ARHGAP15: variants seen among roughly 807,000 people sequenced by gnomAD.
ARHGAP15 encodes the protein rho GTPase-activating protein 15.
A neutral mutation model predicts 63.7 loss-of-function variants in ARHGAP15; 51 were observed. The observed-to-expected ratio is 0.80, with a 90% CI of 0.64 to 1.01. ARHGAP15 has a LOEUF of 1.01. ARHGAP15 is among the 50% of genes least tolerant of loss of function. The pLI is 0.00. For missense variants in ARHGAP15, 560 were observed against 564.6 expected, an observed-to-expected ratio of 0.99 and a Z score of 0.08; for synonymous variants, 191 against 193.8, an observed-to-expected ratio of 0.99 and a Z score of 0.12.
At chr2:143,209,455 G>A (rs1692482222) in intron 3 of ARHGAP15, among the ~76,000 whole-genome samples, 1 of 151,986 alleles carries the variant, frequency 6.6e-6, no homozygotes, top group Non-Finnish European at 1.5e-5. Flanking sequence ...ATGCTAACTG[G>A]CCATGTCCCT....
At chr2:143,371,464 C>T (rs928335242) in intron 6 of ARHGAP15, among the ~76,000 whole-genome samples, 1 of 152,136 alleles carries the variant, frequency 6.6e-6, no homozygotes, top group South Asian at 2.1e-4. Context: ...ATTTATCCAT[C>T]TATCTGTCTG....
chr2:143,417,293 T>C (rs991614006), intron 6 of ARHGAP15, among the ~76,000 whole-genome samples: 1 of 152,184 alleles, frequency 6.6e-6, no homozygotes, highest in Non-Finnish European at 1.5e-5. Context: ...CTGTGCATTA[T>C]GGAGATATAC....
rs138183890 is a variant in ARHGAP15, at chr2:143,447,664, G to C, written c.703+10622G>C. ...CTCCCTATCCCCATCACTCAGAACA[G>C]AGTCTGAAACCTAGTGGTGTTCAGA... is the stretch of plus-strand genomic sequence containing the variant. On this transcript the variant is annotated intron_variant, in intron 8 of 13. Coordinates refer to ENST00000295095, the MANE Select transcript of ARHGAP15 (RefSeq NM_018460.4). 9.2e-5 allele frequency among the ~76,000 whole-genome samples: 14 copies of C among 152,304 alleles called. No homozygotes were observed. The East Asian group carries it at 2.3e-3, about 25-fold the overall frequency.
chr2:143,254,716 CTT>C (rs1401547319), intron 6 of ARHGAP15, among the ~76,000 whole-genome samples: 1 of 152,058 alleles, frequency 6.6e-6, no homozygotes, highest in Non-Finnish European at 1.5e-5. Context: ...GCAAATTAGT[CTT>C]GTCTCCCCAA....
chr2:143,142,971 C>T (rs748014892), intron 1 of ARHGAP15, among the ~76,000 whole-genome samples: 1 of 152,078 alleles, frequency 6.6e-6, no homozygotes, highest in African/African-American at 2.4e-5. Flanking sequence ...AATATTTATG[C>T]ATTTTTTACT....
At chr2:143,419,131 C>T (rs1331955279) in intron 6 of ARHGAP15, among the ~76,000 whole-genome samples, 1 of 133,524 alleles carries the variant, frequency 7.5e-6, no homozygotes, top group African/African-American at 2.7e-5. Context: ...TGTGTAAGCA[C>T]ATTAGTAAGA....
At chr2:143,338,615 G>A (rs1684916903) in intron 6 of ARHGAP15, among the ~76,000 whole-genome samples, 1 of 152,128 alleles carries the variant, frequency 6.6e-6, no homozygotes, top group Non-Finnish European at 1.5e-5. Flanking sequence ...TAAGAGTAGA[G>A]AGACTGTCAG....
chr2:143,283,250 C>T lies in ARHGAP15; in HGVS notation c.474+32650C>T, dbSNP rs142365873. The stretch of plus-strand genomic sequence containing the variant: ...TAATGTCACACTGTTCCCTTCTCAC[C>T]GCTTTCCTCAATGTACACACTATCT... On this transcript the variant is annotated intron_variant, in intron 6 of 13. Coordinates refer to ENST00000295095, the MANE Select transcript of ARHGAP15 (RefSeq NM_018460.4). 2.2e-4 allele frequency among the ~76,000 whole-genome samples: 33 copies of T among 152,220 alleles called. No homozygotes were observed. In the East Asian group the frequency reaches 4.5e-3, roughly 21 times the overall value.
intron 13 of ARHGAP15, among the ~76,000 whole-genome samples, chr2:143,761,081 A>G (rs965456262): frequency 3.3e-5 from 5 of 152,194 alleles, no homozygotes; most frequent in African/African-American, 9.6e-5. Flanking sequence ...TCAATCTTAT[A>G]AAAAGGCCAG....
At chr2:143,323,660 G>C (rs958131564) in intron 6 of ARHGAP15, among the ~76,000 whole-genome samples, 1 of 152,058 alleles carries the variant, frequency 6.6e-6, no homozygotes, top group Admixed American at 6.5e-5. Flanking sequence ...ACTGTGGGAG[G>C]CTGAGGCGGG....
At chr2:143,390,449 C>T (rs563141225) in intron 6 of ARHGAP15, among the ~76,000 whole-genome samples, 2 of 152,276 alleles carry the variant, frequency 1.3e-5, no homozygotes, top group African/African-American at 4.8e-5. Flanking sequence ...AGGCCTGCTT[C>T]ATTGGCCCAG....
chr2:143,276,843 T>C (rs1039098588), intron 6 of ARHGAP15, among the ~76,000 whole-genome samples: 10 of 152,204 alleles, frequency 6.6e-5, no homozygotes, highest in African/African-American at 2.4e-4. Flanking sequence ...CATAGTTTCT[T>C]GCATGGTGAT....
chr2:143,222,083 A>G (rs1310682336), intron 4 of ARHGAP15, among the ~76,000 whole-genome samples: 1 of 152,220 alleles, frequency 6.6e-6, no homozygotes, highest in African/African-American at 2.4e-5. Context: ...CAATACTGAC[A>G]GAGATGGGTA....
intron 6 of ARHGAP15, among the ~76,000 whole-genome samples, chr2:143,258,108 G>T (rs1680515781): frequency 6.6e-6 from 1 of 152,086 alleles, no homozygotes; most frequent in Non-Finnish European, 1.5e-5. Context: ...ACATTTTACA[G>T]CTTGTCCATA....
At chr2:143,371,248 C>T (rs1686537080) in intron 6 of ARHGAP15, among the ~76,000 whole-genome samples, 1 of 152,112 alleles carries the variant, frequency 6.6e-6, no homozygotes, top group African/African-American at 2.4e-5. Flanking sequence ...GTTTGCTGCA[C>T]CTATTAACCT....
chr2:143,367,960 AG>A (rs1686368122), intron 6 of ARHGAP15, among the ~76,000 whole-genome samples: 3 of 152,222 alleles, frequency 2.0e-5, no homozygotes, highest in Admixed American at 2.0e-4. Flanking sequence ...AGAAAAGGGT[AG>A]TTTATTGAAA....
At chr2:143,349,546 T>A (rs1685464965) in intron 6 of ARHGAP15, among the ~76,000 whole-genome samples, 1 of 152,228 alleles carries the variant, frequency 6.6e-6, no homozygotes, top group African/African-American at 2.4e-5. Flanking sequence ...TGTGAAGATA[T>A]CTCTGCTGAA....
At chr2:143,554,047 C>T (rs376021115) in intron 10 of ARHGAP15, among the ~76,000 whole-genome samples, 3 of 151,902 alleles carry the variant, frequency 2.0e-5, no homozygotes, top group Non-Finnish European at 4.4e-5. Context: ...AGCTAATTAG[C>T]AAAACAAAAT....
chr2:143,153,818 CTTCTTCTTCTTCTTCT>C (rs1558779253), intron 1 of ARHGAP15, among the ~76,000 whole-genome samples: 16 of 83,556 alleles, frequency 1.9e-4, no homozygotes, highest in African/African-American at 5.5e-4. Flanking sequence ...TCTTCTTCTT[CTTCTTCTTCTTCTTCT>C]TCTTCTTCTT....
Sources: gnomAD v4.1 joint callset for allele counts (sites outside exome capture counted in the v4.1 genomes callset) on GRCh38, gnomAD v4.1.1 for gene constraint, MANE v1.5 for transcripts, NCBI Gene and HGNC (gene_info 2026-07-23, HGNC 2026-07-21) for gene names.